Variants in CACNA2D1 observed in about 807,000 individuals in gnomAD.
CACNA2D1 encodes the protein voltage-dependent calcium channel subunit alpha-2/delta-1.
A neutral mutation model predicts 171.5 loss-of-function variants in CACNA2D1; 53 were observed. The ratio of observed to expected loss-of-function variants is 0.31; its 90% CI spans 0.25 to 0.39. The LOEUF (loss-of-function observed/expected upper bound fraction) is 0.39, where lower values mean the gene tolerates loss of function less well. Among genes scored for constraint, CACNA2D1 ranks in the 10% least tolerant of loss-of-function variants. CACNA2D1 has a pLI of 1.00. For missense variants in CACNA2D1, 903 were observed against 1,299.8 expected, an observed-to-expected ratio of 0.69 and a Z score of 4.69; for synonymous variants, 442 against 443.1, an observed-to-expected ratio of 1.00 and a Z score of 0.03.
At chr7:82,293,656 T>C (rs994715403) in intron 3 of CACNA2D1, among the ~76,000 whole-genome samples, 18 of 152,244 alleles carry the variant, frequency 1.2e-4, no homozygotes, top group African/African-American at 4.1e-4. Flanking sequence ...TGTTTTAGAA[T>C]GATGCCTCAT....
intron 12 of CACNA2D1, among the ~76,000 whole-genome samples, chr7:82,024,104 G>T (rs1404242910): frequency 6.6e-6 from 1 of 151,476 alleles, no homozygotes; most frequent in African/African-American, 2.4e-5. Context: ...TTTGAATAGT[G>T]CTGTAATGAA....
chr7:82,133,436 A>T (rs572189879), intron 5 of CACNA2D1, among the ~76,000 whole-genome samples: 61 of 152,326 alleles, frequency 4.0e-4, no homozygotes, highest in African/African-American at 1.4e-3. Context: ...TTTTAATATA[A>T]TGCTGAGCAG....
intron 1 of CACNA2D1, among the ~76,000 whole-genome samples, chr7:82,395,267 G>A (rs893378910): frequency 6.6e-6 from 1 of 152,100 alleles, no homozygotes; most frequent in Non-Finnish European, 1.5e-5. Flanking sequence ...CTGAGCTAGA[G>A]AGAAGTAAAA....
chr7:82,253,192 A>G (rs781061686), intron 3 of CACNA2D1, among the ~76,000 whole-genome samples: 21 of 152,224 alleles, frequency 1.4e-4, no homozygotes, highest in Admixed American at 3.3e-4. Flanking sequence ...ATGAGAAACC[A>G]TTACAGAATT....
chr7:82,094,187 T>TAA (rs1344506010), intron 6 of CACNA2D1, among the ~76,000 whole-genome samples: 3 of 151,800 alleles, frequency 2.0e-5, no homozygotes, highest in African/African-American at 7.3e-5. Flanking sequence ...AAGTCGGCTA[T>TAA]AATCAAGAAC....
At chr7:82,133,107 T>C (rs1350211129) in intron 5 of CACNA2D1, among the ~76,000 whole-genome samples, 1 of 152,222 alleles carries the variant, frequency 6.6e-6, no homozygotes, top group Non-Finnish European at 1.5e-5. Context: ...TCTCCCATTT[T>C]TTCTCTTAAC....
intron 34 of CACNA2D1, among the ~76,000 whole-genome samples, chr7:81,963,471 G>C (rs1387516758): frequency 6.6e-6 from 1 of 151,866 alleles, no homozygotes; most frequent in African/African-American, 2.4e-5. Flanking sequence ...CTTCCACAGT[G>C]CCACAATTGA....
chr7:82,392,999 A>T (rs572129577), intron 1 of CACNA2D1, among the ~76,000 whole-genome samples: 2 of 150,058 alleles, frequency 1.3e-5, no homozygotes, highest in East Asian at 4.0e-4. Context: ...AGTCCTAAAA[A>T]ATTCAAATAC....
intron 15 of CACNA2D1, among the ~76,000 whole-genome samples, chr7:82,008,988 T>C (rs1354089485): frequency 1.3e-5 from 2 of 152,150 alleles, no homozygotes; most frequent in Non-Finnish European, 2.9e-5. Context: ...TGCATGATGA[T>C]TGATATGGTT....
At chr7:81,971,689 A>C (rs1235519835) in intron 26 of CACNA2D1, 88 bp downstream of exon 26, 1 of 777,972 alleles carries the variant, frequency 1.3e-6, no homozygotes, top group African/African-American at 1.8e-5. Context: ...ATGAACTGTA[A>C]ATTTATGAGA....
chr7:82,273,351 G>A (rs1808887315), intron 3 of CACNA2D1, among the ~76,000 whole-genome samples: 1 of 151,538 alleles, frequency 6.6e-6, no homozygotes, highest in Admixed American at 6.6e-5. Context: ...TGATATTTGT[G>A]GTATTAAAAA....
At chr7:82,021,951 A>G (rs925657338) in intron 12 of CACNA2D1, among the ~76,000 whole-genome samples, 1 of 152,126 alleles carries the variant, frequency 6.6e-6, no homozygotes, top group East Asian at 1.9e-4. Flanking sequence ...GGCAATCTCA[A>G]TTCTAGGTAG....
At chr7:82,177,980 T>C (rs989294113) in intron 3 of CACNA2D1, among the ~76,000 whole-genome samples, 1 of 152,184 alleles carries the variant, frequency 6.6e-6, no homozygotes, top group Non-Finnish European at 1.5e-5. Context: ...TTTTGATAGC[T>C]ATCATTTTCT....
chr7:82,260,450 A>G (rs899456687), intron 3 of CACNA2D1, among the ~76,000 whole-genome samples: 9 of 152,230 alleles, frequency 5.9e-5, no homozygotes, highest in African/African-American at 2.2e-4. Flanking sequence ...TTGAGGAGTA[A>G]TGCTATAACC....
intron 4 of CACNA2D1, among the ~76,000 whole-genome samples, chr7:82,141,612 C>T (rs532575328): frequency 2.0e-5 from 3 of 152,288 alleles, no homozygotes; most frequent in South Asian, 2.1e-4. Flanking sequence ...ATAATATCTA[C>T]ACCCTGACCA....
intron 9 of CACNA2D1, 24 bp from the exon 10 acceptor site, chr7:82,060,551 T>C (rs372364190): frequency 3.8e-6 from 5 of 1,308,988 alleles, no homozygotes; most frequent in Middle Eastern, 3.7e-4. Context: ...AATGGGTCCA[T>C]ACATGTTACT....
chr7:82,220,484 G>A (rs1003706819), intron 3 of CACNA2D1, among the ~76,000 whole-genome samples: 8 of 151,938 alleles, frequency 5.3e-5, no homozygotes, highest in African/African-American at 1.7e-4. Flanking sequence ...AATTACTGAG[G>A]ACCCAAAAAG....
chr7:82,191,355 A>G (rs146829167), intron 3 of CACNA2D1, among the ~76,000 whole-genome samples: 11 of 151,916 alleles, frequency 7.2e-5, no homozygotes, highest in African/African-American at 2.4e-4. Context: ...AAAAGCGATT[A>G]GTTTAAAAGA....
intron 7 of CACNA2D1, among the ~76,000 whole-genome samples, chr7:82,080,533 A>C (rs1044317774): frequency 6.6e-6 from 1 of 152,190 alleles, no homozygotes; most frequent in Non-Finnish European, 1.5e-5. Flanking sequence ...AATACAAGAC[A>C]ATCAGTTAAC....
Sources: allele counts gnomAD v4.1 joint callset (sites outside exome capture counted in the v4.1 genomes callset), GRCh38; gene constraint gnomAD v4.1.1; transcripts MANE v1.5; gene names NCBI Gene and HGNC (gene_info 2026-07-23, HGNC 2026-07-21).